CLK3: variants seen among roughly 807,000 people sequenced by gnomAD.
CLK3 encodes the protein dual specificity protein kinase CLK3.
CLK3 carries 24 observed loss-of-function variants against 65.2 expected under a neutral mutation model. That is an observed-to-expected ratio of 0.37 (90% CI 0.27 to 0.52). The LOEUF is 0.52. Among genes scored for constraint, CLK3 ranks in the 20% least tolerant of loss-of-function variants. The probability of loss-of-function intolerance (pLI) is 0.92; values close to 1 mark genes in which losing one functional copy is unlikely to be tolerated. For synonymous variants in CLK3, 252 were observed against 240.8 expected, an observed-to-expected ratio of 1.05 and a Z score of -0.43; for missense variants, 506 against 660.0, an observed-to-expected ratio of 0.77 and a Z score of 2.56.
chr15:74,627,188 G>C lies in CLK3; in HGVS notation c.818-164G>C, dbSNP rs770063796. 24 of 729,356 alleles carry C rather than the reference G, an allele frequency of 3.3e-5. No individual in the cohort carries two copies. The African/African-American group carries it at 4.0e-4, about 12-fold the overall frequency. 45.2% of individuals were successfully genotyped at this position (729,356 alleles called of 1,614,324 possible). ...AAGGCCTCAAGTACAGAGAACCCTTGAGAGGGAGGCCAGCACAGAGGCAGG... is the reference window on the plus strand; with the variant it reads ...AAGGCCTCAAGTACAGAGAACCCTTCAGAGGGAGGCCAGCACAGAGGCAGG... On this transcript the variant is annotated intron_variant, in intron 7 of 12. Transcript: ENST00000395066. This position sits in a 1 kb window ranked among gnomAD's most constrained non-coding sequence, Gnocchi z 4.3.
intron 10 of CLK3, 37 bp from the exon 11 acceptor site, chr15:74,628,567 G>A: frequency 2.0e-6 from 3 of 1,515,456 alleles, no homozygotes; most frequent in Non-Finnish European, 2.7e-6. Context: ...GCCAGAGCTA[G>A]TACTGACCCC....
At chr15:74,628,916 C>G in intron 11 of CLK3, 26 bp from the exon 12 acceptor site, 1 of 1,545,456 alleles carries the variant, frequency 6.5e-7, no homozygotes, top group Non-Finnish European at 8.9e-7. Context: ...TACTCCCACA[C>G]TTGACTCCAC....
intron 1 of CLK3, 69 bp from the exon 2 acceptor site, chr15:74,619,128 C>A (rs951124981): frequency 1.3e-6 from 2 of 1,584,672 alleles, no homozygotes; most frequent in Admixed American, 3.5e-5. Flanking sequence ...ACCGGGAAGC[C>A]CCAGCAGCCC....
At chr15:74,616,004 C>G in intron 1 of CLK3, 106 bp downstream of exon 1, 1 of 879,002 alleles carries the variant, frequency 1.1e-6, no homozygotes, top group Non-Finnish European at 1.5e-6. Context: ...TACTCCCTTT[C>G]TTTCTCCTCT....
chr15:74,626,266 C>T (rs2062142744), intron 7 of CLK3, among the ~76,000 whole-genome samples: 1 of 152,230 alleles, frequency 6.6e-6, no homozygotes, highest in Admixed American at 6.5e-5. Context: ...TGCCTCCCTG[C>T]TTCATGCATG....
rs975151663 is a variant in CLK3, at chr15:74,627,303, A to G, written c.818-49A>G. ...AGGGGTCTGGCCTAGAGCTGGCAGGAGAGCCAGCTTCTCAGTGCCTACTTC... is the reference window on the plus strand; with the variant it reads ...AGGGGTCTGGCCTAGAGCTGGCAGGGGAGCCAGCTTCTCAGTGCCTACTTC... On this transcript the variant is annotated intron_variant, in intron 7 of 12. Coordinates refer to ENST00000395066, the MANE Select transcript of CLK3 (RefSeq NM_001130028.2). The surrounding 1 kb of genome is among the most constrained non-coding windows in gnomAD (Gnocchi z 4.3). The G allele has an allele frequency of 9.0e-6, 13 of 1,440,264 alleles. No individual in the cohort carries two copies. Among genetic ancestry groups the G allele is most frequent in the Non-Finnish European group, 1.2e-5 (12 of 1,022,184 alleles). 89.2% of individuals were successfully genotyped at this position (1,440,264 alleles called of 1,614,324 possible). A position where few individuals can be genotyped will look rare whatever the true frequency, so the allele number is the denominator to read the frequency against.
chr15:74,629,199 A>T (rs774415682), intron 12 of CLK3, 167 bp downstream of exon 12: 1 of 712,604 alleles, frequency 1.4e-6, no homozygotes, highest in Admixed American at 2.0e-5. Flanking sequence ...GCTTCTTGCA[A>T]ACTGCCCCAG....
upstream of CLK3, among the ~76,000 whole-genome samples, chr15:74,613,823 C>T (rs2062021452): frequency 6.6e-6 from 1 of 152,154 alleles, no homozygotes; most frequent in Non-Finnish European, 1.5e-5. Context: ...GAGAGGCCTC[C>T]TACTCCACCT....
chr15:74,615,506 G>C, upstream of CLK3: 1 of 1,308,824 alleles, frequency 7.6e-7, no homozygotes, highest in South Asian at 2.2e-5. Context: ...CGCGGGGTCG[G>C]GGCGACGGAG....
chr15:74,619,018 T>C (rs1307759264), intron 1 of CLK3, 179 bp from the exon 2 acceptor site: 1 of 666,620 alleles, frequency 1.5e-6, no homozygotes, highest in Non-Finnish European at 2.6e-6. Flanking sequence ...TGTTTCCTAT[T>C]GTCTGCTGTT....
chr15:74,622,162 G>C lies in CLK3; in HGVS notation c.412G>C (p.Asp138His). ...SSKRSSRSVE[D>H]DKEGHLVCRI... ...TAAGCGCAGCAGCCGGAGTGTGGAA[G>C]ATGACAAGGAGGGTCACCTGGTGTG... Residue 138 changes from aspartate to histidine, a missense_variant, in exon 4 of 13, where the codon GAT becomes CAT. By Grantham distance (81) the Asp-to-His change is moderately conservative. Transcript: ENST00000395066. The surrounding 1 kb of genome is among the most constrained non-coding windows in gnomAD (Gnocchi z 4.6). 6.2e-7 allele frequency: 1 copy of C among 1,614,174 alleles called. No homozygotes were observed. The highest frequency in any genetic ancestry group is 1.3e-5 in the African/African-American group (1 of 75,052).
rs1281068383 is a variant in CLK3 at position 74,619,455 on chromosome 15, G to A, written c.152+107G>A. On this transcript the variant is annotated intron_variant, in intron 2 of 12. Transcript: ENST00000395066. ...CTCCATCCCTGCCCAGCTGTCCCTGGATCCCTGCCCTGTCCTCTTTGGGCT... is the reference window on the plus strand; with the variant it reads ...CTCCATCCCTGCCCAGCTGTCCCTGAATCCCTGCCCTGTCCTCTTTGGGCT... The A allele has an allele frequency of 7.7e-6, 10 of 1,297,510 alleles. No individual in the cohort carries two copies. In the South Asian group the frequency reaches 1.4e-4, roughly 18 times the overall value. 80.4% of individuals were successfully genotyped at this position (1,297,510 alleles called of 1,614,324 possible). A position where few individuals can be genotyped will look rare whatever the true frequency, so the allele number is the denominator to read the frequency against.
At position 74,622,448 on chromosome 15, in the gene CLK3, C is replaced by T. The variant is rs774518985; in HGVS notation, c.467-46C>T. ...GCTGTGAACTTGCAGGAGCTGCCAA[C>T]CCCCTGCCCTCCAGATTCTCATGCC... On this transcript the variant is annotated intron_variant, in intron 4 of 12. Coordinates refer to ENST00000395066, the MANE Select transcript of CLK3 (RefSeq NM_001130028.2). The surrounding 1 kb of genome is among the most constrained non-coding windows in gnomAD (Gnocchi z 4.6). 15 of 1,447,784 alleles carry T rather than the reference C, an allele frequency of 1.0e-5. No individual in the cohort carries two copies. In the Admixed American group the frequency reaches 2.8e-4, roughly 27 times the overall value. 89.7% of individuals were successfully genotyped at this position (1,447,784 alleles called of 1,614,324 possible).
rs567844736 is a variant in CLK3, at chr15:74,622,131, G to A, written c.381G>A (p.Gln127=). Residue 127 remains glutamine, a synonymous_variant, in exon 4 of 13, where the codon CAG becomes CAA. Coordinates refer to ENST00000395066, the MANE Select transcript of CLK3 (RefSeq NM_001130028.2). The surrounding 1 kb of genome is among the most constrained non-coding windows in gnomAD (Gnocchi z 4.6). ...SCSSASSRSQ[Q]SSKRSSRSVE... ...GGCGGTGCATGCAGAGAAGCCAACA[G>A]AGCAGTAAGCGCAGCAGCCGGAGTG... 6 of 1,614,152 alleles carry A rather than the reference G, an allele frequency of 3.7e-6. No individual in the cohort carries two copies. In the South Asian group the frequency reaches 6.6e-5, roughly 18 times the overall value.
Position 74,627,906 on chromosome 15 carries a change from T to C in CLK3, c.1043-64T>C, listed in dbSNP as rs1596291540. The C allele has an allele frequency of 7.3e-7, 1 of 1,367,340 alleles. No homozygotes were observed. The highest frequency in any genetic ancestry group is 1.0e-6 in the Non-Finnish European group (1 of 956,638). 84.7% of individuals were successfully genotyped at this position (1,367,340 alleles called of 1,614,324 possible). On this transcript the variant is annotated intron_variant, in intron 9 of 12. Coordinates refer to ENST00000395066, the MANE Select transcript of CLK3 (RefSeq NM_001130028.2). This position sits in a 1 kb window ranked among gnomAD's most constrained non-coding sequence, Gnocchi z 4.3. ...CCTGCCAGCCGGTGTGGTGGCTGCC[T>C]TGTGACTTCCAGGCTGGAAGCATAA... is the stretch of plus-strand genomic sequence containing the variant.
At chr15:74,610,081 CAG>C (rs376371110) in intron 1 of CLK3, among the ~76,000 whole-genome samples, 4 of 152,378 alleles carry the variant, frequency 2.6e-5, no homozygotes, top group African/African-American at 7.2e-5. Flanking sequence ...AAGTGTGGGG[CAG>C]AGTCAAAGGT....
At chr15:74,615,249 C>G, upstream of CLK3, 1 of 429,308 alleles carries the variant, frequency 2.3e-6, no homozygotes, top group East Asian at 3.6e-5. Flanking sequence ...CCGGCCCCGC[C>G]AGAGTAGCTC....
intron 6 of CLK3, 47 bp from the exon 7 acceptor site, chr15:74,625,755 C>T (rs780308102): frequency 1.9e-6 from 3 of 1,606,682 alleles, no homozygotes; most frequent in African/African-American, 1.3e-5. Flanking sequence ...GGGGGTGAGG[C>T]AGGCCCCCAG....
chr15:74,609,635 G>C (rs1404111571), intron 1 of CLK3, among the ~76,000 whole-genome samples: 1 of 152,246 alleles, frequency 6.6e-6, no homozygotes. Context: ...CCTGCAGACG[G>C]ACTGTGTCCT....
Sources: allele counts gnomAD v4.1 joint callset (sites outside exome capture counted in the v4.1 genomes callset), GRCh38; gene constraint gnomAD v4.1.1; non-coding constraint Gnocchi (gnomAD v3.1); transcripts MANE v1.5; gene names NCBI Gene and HGNC (gene_info 2026-07-23, HGNC 2026-07-21).